The following SHISA9 variants were observed in gnomAD, a reference collection of about 807,000 sequenced individuals.
SHISA9 encodes protein shisa-9.
Under a neutral mutation model 38.0 loss-of-function variants are expected in SHISA9, and 13 were observed. The ratio of observed to expected loss-of-function variants is 0.34; its 90% confidence interval spans 0.22 to 0.54. The LOEUF (loss-of-function observed/expected upper bound fraction) is 0.54, where lower values mean the gene tolerates loss of function less well. Among genes scored for constraint, SHISA9 ranks in the 20% least tolerant of loss-of-function variants. The pLI is 0.91. For missense variants in SHISA9, 538 were observed against 575.8 expected (o/e 0.93, Z 0.67); for synonymous variants, 275 against 242.0 (o/e 1.14, Z -1.27).
chr16:13,004,803 G>A (rs1300239550), intron 2 of SHISA9, among the ~76,000 whole-genome samples: 2 of 151,814 alleles, frequency 1.3e-5, no homozygotes, highest in Non-Finnish European at 2.9e-5. Flanking sequence ...GCGGTGGTGG[G>A]CACCTGTAAT....
In SHISA9 at chr16:13,019,891, CTT is replaced by C. The variant is rs1267222212; in HGVS notation, c.691+103078_691+103079del. On this transcript the variant is annotated intron_variant, in intron 2 of 4. Transcript: ENST00000558583. ...CCCTCCCTCCCTCCCTCCCTTCTTT[CTT>C]TCTTTCTTTCTTTCTTTCTTTCTTT... 4.6e-3 allele frequency among the ~76,000 whole-genome samples: 57 copies of C among 12,356 alleles called. 2 individuals are homozygous for C. The highest frequency in any genetic ancestry group is 7.1e-3 in the Non-Finnish European group (40 of 5,628). 8.1% of individuals were successfully genotyped at this position (12,356 alleles called of 152,430 possible).
intron 2 of SHISA9, among the ~76,000 whole-genome samples, chr16:13,013,669 C>T (rs2141854983): frequency 6.6e-6 from 1 of 152,314 alleles, no homozygotes; most frequent in African/African-American, 2.4e-5. Context: ...TCACTGGCCA[C>T]TGCTTTGCCC....
chr16:13,523,799 G>A, the SHISA9 span, among the ~76,000 whole-genome samples: 1 of 152,180 alleles, frequency 6.6e-6, no homozygotes, highest in African/African-American at 2.4e-5. Flanking sequence ...AATTCAATAT[G>A]AGATCTAGGT....
At chr16:13,473,968 A>C in the SHISA9 span, among the ~76,000 whole-genome samples, 2 of 152,204 alleles carry the variant, frequency 1.3e-5, no homozygotes, top group African/African-American at 4.8e-5. Context: ...TACAGTAAGA[A>C]ATGAATGTGC....
chr16:13,346,645 T>G, the SHISA9 span, among the ~76,000 whole-genome samples: 1 of 152,212 alleles, frequency 6.6e-6, no homozygotes, highest in Non-Finnish European at 1.5e-5. Flanking sequence ...TGTTTGTATT[T>G]GTATAATTTT....
chr16:12,927,951 G>A (rs2071414244), intron 2 of SHISA9, among the ~76,000 whole-genome samples: 1 of 152,070 alleles, frequency 6.6e-6, no homozygotes, highest in Admixed American at 6.6e-5. Context: ...TAGAAGAATT[G>A]GAGACCAGCA....
rs947512811 is a variant in SHISA9, at chr16:13,144,374, A to G, written c.692-59020A>G. On this transcript the variant is annotated intron_variant, in intron 2 of 4. Coordinates refer to ENST00000558583, the MANE Select transcript of SHISA9 (RefSeq NM_001145204.3). ...CACCATGTTGGCCAGGATGGTCTCAATCTCTTGGCTTCATGATCTACCTGC... is the reference window on the plus strand; with the variant it reads ...CACCATGTTGGCCAGGATGGTCTCAGTCTCTTGGCTTCATGATCTACCTGC... Among the ~76,000 whole-genome samples, 3 of 152,096 alleles carry G rather than the reference A, an allele frequency of 2.0e-5. No individual in the cohort carries two copies. In the South Asian group the frequency reaches 6.2e-4, roughly 32 times the overall value.
At chr16:13,325,612 A>T in the SHISA9 span, among the ~76,000 whole-genome samples, 1 of 152,160 alleles carries the variant, frequency 6.6e-6, no homozygotes, top group African/African-American at 2.4e-5. Context: ...TGCAGGAGGG[A>T]CACCTAGGAC....
At chr16:13,535,353 T>C in the SHISA9 span, among the ~76,000 whole-genome samples, 1 of 152,160 alleles carries the variant, frequency 6.6e-6, no homozygotes, top group African/African-American at 2.4e-5. Flanking sequence ...GGTCAAAAAA[T>C]AGAAATCTTG....
At chr16:13,526,108 C>A in the SHISA9 span, among the ~76,000 whole-genome samples, 3 of 152,194 alleles carry the variant, frequency 2.0e-5, no homozygotes, top group Non-Finnish European at 2.9e-5. Context: ...AAATGGGAGA[C>A]AGTGAATTAA....
intron 2 of SHISA9, among the ~76,000 whole-genome samples, chr16:13,180,944 A>G (rs554575538): frequency 3.0e-4 from 46 of 152,252 alleles, no homozygotes; most frequent in African/African-American, 1.1e-3. Flanking sequence ...TCGTGCACTC[A>G]GTGTTAATTC....
At chr16:13,052,454 TA>T (rs2073263873) in intron 2 of SHISA9, among the ~76,000 whole-genome samples, 1 of 152,208 alleles carries the variant, frequency 6.6e-6, no homozygotes, top group Non-Finnish European at 1.5e-5. Context: ...CAGTCATTAT[TA>T]GGAGAGATTC....
intron 4 of SHISA9, among the ~76,000 whole-genome samples, chr16:13,228,849 C>T (rs894364345): frequency 1.7e-4 from 26 of 152,182 alleles, no homozygotes; most frequent in African/African-American, 6.0e-4. Flanking sequence ...TCCCTCTTCC[C>T]TCTCTCATCA....
chr16:13,091,048 T>G (rs935570985), intron 2 of SHISA9, among the ~76,000 whole-genome samples: 9 of 152,214 alleles, frequency 5.9e-5, no homozygotes. Flanking sequence ...TATTTCTCCT[T>G]CATTTATGAA....
chr16:13,536,300 G>T, the SHISA9 span, among the ~76,000 whole-genome samples: 5 of 152,066 alleles, frequency 3.3e-5, no homozygotes, highest in Admixed American at 1.3e-4. Context: ...CCTGGCCTGC[G>T]TTTGTTTTTC....
rs183755816 is a variant in SHISA9 at position 13,090,754 on chromosome 16, C to T, written c.692-112640C>T. 3.3e-5 allele frequency among the ~76,000 whole-genome samples: 5 copies of T among 151,878 alleles called. No individual in the cohort carries two copies. The East Asian group carries it at 9.7e-4, about 29-fold the overall frequency. On this transcript the variant is annotated intron_variant, in intron 2 of 4. Transcript: ENST00000558583. ...ACACAGATGGGTCTTGATTCTTTGTCCAAGTCTGTGTCTTTTAATTGGGGC... is the reference window on the plus strand; with the variant it reads ...ACACAGATGGGTCTTGATTCTTTGTTCAAGTCTGTGTCTTTTAATTGGGGC...
At chr16:13,281,955 T>C in the SHISA9 span, among the ~76,000 whole-genome samples, 2 of 151,836 alleles carry the variant, frequency 1.3e-5, no homozygotes, top group Non-Finnish European at 2.9e-5. Flanking sequence ...TGTTTTAAAC[T>C]TCATTTTACA....
At chr16:13,374,967 T>C in the SHISA9 span, among the ~76,000 whole-genome samples, 2 of 152,236 alleles carry the variant, frequency 1.3e-5, no homozygotes, top group African/African-American at 4.8e-5. Flanking sequence ...ATGTCTTCTT[T>C]TGAGAAGCGT....
At chr16:13,559,401 A>G in the SHISA9 span, among the ~76,000 whole-genome samples, 5 of 148,122 alleles carry the variant, frequency 3.4e-5, no homozygotes, top group Admixed American at 3.4e-4. Context: ...TTTTTCAGAG[A>G]CATTCTCGCT....
Sources: allele counts gnomAD v4.1 joint callset (sites outside exome capture counted in the v4.1 genomes callset), GRCh38; gene constraint gnomAD v4.1.1; transcripts MANE v1.5; gene names NCBI Gene and HGNC (gene_info 2026-07-23, HGNC 2026-07-21).